CCDC33: variants seen among roughly 807,000 people sequenced by gnomAD.
The protein encoded by CCDC33 is coiled-coil domain-containing protein 33.
CCDC33 carries 94 observed loss-of-function variants against 91.9 expected under a neutral mutation model. That is an observed-to-expected ratio of 1.02 (90% confidence interval 0.87 to 1.21). The LOEUF (loss-of-function observed/expected upper bound fraction) is 1.21, where lower values mean the gene tolerates loss of function less well. Ranked by LOEUF, CCDC33 falls within the 50% of genes most tolerant of loss-of-function variation. The probability of loss-of-function intolerance (pLI) is 0.00; values close to 1 mark genes in which losing one functional copy is unlikely to be tolerated. For missense variants in CCDC33, 940 were observed against 935.5 expected (o/e 1.00, Z -0.06); for synonymous variants, 396 against 374.5 (o/e 1.06, Z -0.66).
rs1326146881 is a variant in CCDC33, at chr15:74,279,950, C to A, written c.760-13C>A. The A allele has an allele frequency of 1.9e-6, 3 of 1,613,058 alleles. No homozygotes were observed. In the East Asian group the frequency reaches 6.7e-5, roughly 36 times the overall value. ...TGTGGCCCCCACCACCTGCTCCTAC[C>A]CTCTCCCTCCAGCTGTCCAAGCCTG... On this transcript the variant is annotated splice_polypyrimidine_tract_variant and intron_variant, in intron 7 of 18. Transcript: ENST00000398814.
At chr15:74,207,750 C>A (rs540907096) in intron 1 of CCDC33, 6 of 1,535,730 alleles carry the variant, frequency 3.9e-6, no homozygotes, top group East Asian at 4.9e-5. Flanking sequence ...AGAGAGTCAA[C>A]CTCATGCGGG....
intron 5 of CCDC33, among the ~76,000 whole-genome samples, chr15:74,268,839 C>T (rs1364674096): frequency 6.6e-6 from 1 of 152,202 alleles, no homozygotes; most frequent in African/African-American, 2.4e-5. Context: ...AGCCCACAGC[C>T]CAGCAGTTTC....
At chr15:74,204,223 T>G (rs1429168558) in intron 1 of CCDC33, among the ~76,000 whole-genome samples, 2 of 152,206 alleles carry the variant, frequency 1.3e-5, no homozygotes, top group Non-Finnish European at 2.9e-5. Flanking sequence ...TGCGGGAAAC[T>G]TGCCTTCCAG....
chr15:74,245,651 C>T (rs916987696), intron 2 of CCDC33, among the ~76,000 whole-genome samples: 4 of 151,318 alleles, frequency 2.6e-5, no homozygotes, highest in South Asian at 2.1e-4. Flanking sequence ...TGGGAACGCG[C>T]GGCAGGAGCC....
chr15:74,334,539 T>C (rs1489223176), intron 17 of CCDC33, among the ~76,000 whole-genome samples: 6 of 151,394 alleles, frequency 4.0e-5, no homozygotes, highest in Admixed American at 3.9e-4. Flanking sequence ...TAGGATTCAG[T>C]GTGTGACCAG....
rs893614722 is a variant in CCDC33, at chr15:74,244,718, A to G, written c.185+570A>G. 6.6e-6 allele frequency among the ~76,000 whole-genome samples: 1 copy of G among 152,248 alleles called. No individual in the cohort carries two copies. The highest frequency in any genetic ancestry group is 2.4e-5 in the African/African-American group (1 of 41,548). On this transcript the variant is annotated intron_variant, in intron 2 of 18. Coordinates refer to ENST00000398814, the MANE Select transcript of CCDC33 (RefSeq NM_025055.5). This position sits in a 1 kb window ranked among gnomAD's most constrained non-coding sequence, Gnocchi z 4.2. ...GCCTGGCACCAAGGCCTGCCACGCC[A>G]CGTCTATGCCCACCTCACGGGTCTC... is the stretch of plus-strand genomic sequence containing the variant.
intron 1 of CCDC33, among the ~76,000 whole-genome samples, chr15:74,205,898 T>C (rs1244299069): frequency 6.6e-6 from 1 of 152,214 alleles, no homozygotes; most frequent in African/African-American, 2.4e-5. Flanking sequence ...GAGCGCAGCC[T>C]TGTGCCTGGT....
At chr15:74,278,839 A>G (rs573945929) in intron 7 of CCDC33, among the ~76,000 whole-genome samples, 11 of 152,244 alleles carry the variant, frequency 7.2e-5, no homozygotes, top group African/African-American at 2.6e-4. Flanking sequence ...TTTAAATCAT[A>G]CCCATGTGTG....
intron 7 of CCDC33, among the ~76,000 whole-genome samples, chr15:74,275,232 T>A (rs1036879394): frequency 2.2e-4 from 33 of 152,246 alleles, no homozygotes; most frequent in African/African-American, 7.7e-4. Context: ...GCTCTGTAAC[T>A]TACTGGCTGC....
intron 1 of CCDC33, among the ~76,000 whole-genome samples, chr15:74,208,570 A>C (rs920623041): frequency 1.3e-5 from 2 of 152,036 alleles, no homozygotes; most frequent in Non-Finnish European, 2.9e-5. Context: ...GACTCTGCGA[A>C]TGTCTCCTGC....
At chr15:74,290,281 G>A (rs1324762681) in intron 10 of CCDC33, among the ~76,000 whole-genome samples, 3 of 151,196 alleles carry the variant, frequency 2.0e-5, no homozygotes, top group South Asian at 4.2e-4. Context: ...GGGTTCAAAC[G>A]ATTCTCCTGC....
chr15:74,227,033 C>T (rs1313064259), intron 2 of CCDC33, among the ~76,000 whole-genome samples: 2 of 152,154 alleles, frequency 1.3e-5, no homozygotes, highest in Non-Finnish European at 2.9e-5. Flanking sequence ...GTACCAGAGG[C>T]TGCTCTGGGC....
At chr15:74,221,765 A>G (rs911174633) in intron 2 of CCDC33, among the ~76,000 whole-genome samples, 1 of 152,010 alleles carries the variant, frequency 6.6e-6, no homozygotes, top group African/African-American at 2.4e-5. Context: ...AGGGCTAACT[A>G]TTTCCAGGTT....
At chr15:74,266,214 T>C (rs2076161972) in intron 3 of CCDC33, among the ~76,000 whole-genome samples, 1 of 152,204 alleles carries the variant, frequency 6.6e-6, no homozygotes, top group Non-Finnish European at 1.5e-5. Context: ...AAATTCAGTT[T>C]CCCCACCTGC....
chr15:74,278,888 G>A (rs1420590194), intron 7 of CCDC33, among the ~76,000 whole-genome samples: 4 of 152,128 alleles, frequency 2.6e-5, no homozygotes, highest in African/African-American at 4.8e-5. Context: ...CAAGTCCCCC[G>A]AGTGCCCACT....
Position 74,280,683 on chromosome 15 carries a change from C to A in CCDC33, c.905C>A (p.Pro302Gln). 1.3e-6 allele frequency: 2 copies of A among 1,509,290 alleles called. No homozygotes were observed. The highest frequency in any genetic ancestry group is 1.8e-6 in the Non-Finnish European group (2 of 1,127,446). The allele number at this position is 1,509,290 out of a possible 1,614,324, so 93.5% of individuals were successfully genotyped here. A position where few individuals can be genotyped will look rare whatever the true frequency, so the allele number is the denominator to read the frequency against. The change falls in exon 9 of 19, where the codon CCG becomes CAG. Residue 302 changes from proline (P) to glutamine (Q), a missense_variant. Pro to Gln is a moderately conservative substitution (Grantham distance 76). Coordinates refer to ENST00000398814, the MANE Select transcript of CCDC33 (RefSeq NM_025055.5). ...YSSTSMKGSQ[P>Q]WTLNQPLGIS... ...TCCCCCACAGTGAAAGGCAGCCAGCCGTGGACCCTCAACCAGCCCCTGGGC... is the reference window on the plus strand; with the variant it reads ...TCCCCCACAGTGAAAGGCAGCCAGCAGTGGACCCTCAACCAGCCCCTGGGC...
At chr15:74,253,310 A>C (rs1475086732) in intron 2 of CCDC33, among the ~76,000 whole-genome samples, 1 of 152,142 alleles carries the variant, frequency 6.6e-6, no homozygotes, top group Non-Finnish European at 1.5e-5. Context: ...GACTTTATGT[A>C]GCTTCCCTCT....
Position 74,218,397 on chromosome 15 carries a change from G to C in CCDC33, c.311-100G>C. ...CTGCTTGGCTTTGACTCAAAGTCTG[G>C]GCAGCCCAGGTTTCCCCAGGGCCCT... On this transcript the variant is annotated intron_variant, in intron 1 of 2. Transcript: ENST00000635913. This position sits in a 1 kb window ranked among gnomAD's most constrained non-coding sequence, Gnocchi z 4.8. 8.6e-7 allele frequency: 1 copy of C among 1,162,962 alleles called. No homozygotes were observed. Among genetic ancestry groups the C allele is most frequent in the South Asian group, 1.5e-5 (1 of 64,912 alleles). The allele number at this position is 1,162,962 out of a possible 1,614,324, so 72.0% of individuals were successfully genotyped here.
chr15:74,219,183 C>T (rs754745377), intron 2 of CCDC33, among the ~76,000 whole-genome samples: 9 of 152,202 alleles, frequency 5.9e-5, no homozygotes, highest in African/African-American at 1.9e-4. Context: ...TGGGAGGCCC[C>T]GAGTGACCAG....
Sources: gnomAD v4.1 joint callset for allele counts (sites outside exome capture counted in the v4.1 genomes callset) on GRCh38, gnomAD v4.1.1 for gene constraint, Gnocchi (gnomAD v3.1) non-coding constraint, MANE v1.5 for transcripts, NCBI Gene and HGNC (gene_info 2026-07-23, HGNC 2026-07-21) for gene names.